TBC1D28: variants seen among roughly 807,000 people sequenced by gnomAD.
TBC1D28 encodes the protein TBC1 domain family, member 28.
In TBC1D28, 20 loss-of-function variants were observed where a neutral mutation model predicts 29.2. The observed-to-expected ratio is 0.68, with a 90% CI of 0.48 to 0.99. The LOEUF (loss-of-function observed/expected upper bound fraction) is 0.99, where lower values mean the gene tolerates loss of function less well. Among genes scored for constraint, TBC1D28 ranks in the 50% least tolerant of loss-of-function variants. The pLI is 0.00. For synonymous variants in TBC1D28, 65 were observed against 90.9 expected, an observed-to-expected ratio of 0.71 and a Z score of 1.62; for missense variants, 205 against 243.7, an observed-to-expected ratio of 0.84 and a Z score of 1.06.
intron 7 of TBC1D28, 160 bp downstream of exon 8, chr17:18,638,153 G>T: frequency 5.4e-6 from 7 of 1,294,678 alleles, no homozygotes; most frequent in South Asian, 4.1e-5. Context: ...AGAGCCCAGC[G>T]CACCTGTGGT....
At position 18,638,669 on chromosome 17, in the gene TBC1D28, C is replaced by G. The variant is rs1353634824; in HGVS notation, c.231G>C (p.Lys77Asn). ...TCCAGTCTGCAAGCATCTTTTGCCACTTGTTGGTACGTTTACTTTCCTTGC... is the reference window on the plus strand; with the variant it reads ...TCCAGTCTGCAAGCATCTTTTGCCAGTTGTTGGTACGTTTACTTTCCTTGC... Residue 77 changes from lysine to asparagine, a missense_variant, in exon 6 of 9, where the codon AAG becomes AAC. By Grantham distance (94) the Lys-to-Asn change is moderately conservative. Transcript: ENST00000345096. The G allele has an allele frequency of 1.9e-6, 3 of 1,614,024 alleles. No homozygotes were observed. The South Asian group carries it at 3.3e-5, about 18-fold the overall frequency.
exon 3 of TBC1D28, chr17:18,641,347 C>T (rs776508859): frequency 5.6e-6 from 9 of 1,613,972 alleles, no homozygotes; most frequent in African/African-American, 5.3e-5. Flanking sequence ...CCTCATCCAT[C>T]TCCATCCTGC....
exon 9 of TBC1D28, chr17:18,635,062 C>T (rs1311016988): frequency 6.6e-6 from 1 of 152,278 alleles, no homozygotes; most frequent in South Asian, 2.1e-4. Context: ...GGAGCGGACC[C>T]CGAGAGGCGC....
At chr17:18,641,530 C>T (rs2031764666) in intron 2 of TBC1D28, 102 bp downstream of exon 3, 2 of 696,982 alleles carry the variant, frequency 2.9e-6, no homozygotes, top group Non-Finnish European at 4.9e-6. Context: ...CTCTGAAGTC[C>T]TGACCTCCAA....
At chr17:18,636,420 G>A in exon 9 of TBC1D28, 4 of 1,605,228 alleles carry the variant, frequency 2.5e-6, no homozygotes, top group Non-Finnish European at 3.4e-6. Context: ...GCAGCGAGCT[G>A]AAGTCCTGCC....
chr17:18,636,482 C>G (rs375857329), exon 9 of TBC1D28: 16 of 1,613,718 alleles, frequency 9.9e-6, no homozygotes, highest in South Asian at 1.1e-5. Flanking sequence ...GCAACACCCC[C>G]GAGAGACACC....
At chr17:18,634,973 G>C (rs1484449382), downstream of TBC1D28, 1 of 153,150 alleles carries the variant, frequency 6.5e-6, no homozygotes, top group African/African-American at 2.4e-5. Context: ...CCTCCTACCC[G>C]GCATCCCACC....
chr17:18,641,473 C>T (rs2031762530), intron 2 of TBC1D28, 120 bp from the exon 4 acceptor site: 3 of 1,052,424 alleles, frequency 2.9e-6, no homozygotes, highest in Admixed American at 2.2e-5. Context: ...CACTACCCCT[C>T]CCAGATGACA....
intron 5 of TBC1D28, 131 bp from the exon 7 acceptor site, chr17:18,638,832 G>A (rs2031635226): frequency 1.1e-5 from 13 of 1,158,716 alleles, no homozygotes; most frequent in Non-Finnish European, 1.6e-5. Context: ...CAGGCCCCAG[G>A]GGCTGAGACC....
chr17:18,643,467 G>A (rs1294446557), upstream of TBC1D28, among the ~76,000 whole-genome samples: 6 of 150,336 alleles, frequency 4.0e-5, no homozygotes, highest in South Asian at 4.3e-4. Flanking sequence ...TTCACTGACC[G>A]TTTTCCCAGT....
At chr17:18,640,058 G>A (rs931260048) in intron 4 of TBC1D28, among the ~76,000 whole-genome samples, 4 of 146,706 alleles carry the variant, frequency 2.7e-5, no homozygotes, top group African/African-American at 5.1e-5. Flanking sequence ...CCTCCTCCCA[G>A]CCACTGCAAA....
At chr17:18,638,064 T>C in intron 7 of TBC1D28, 91 bp from the exon 9 acceptor site, 5 of 1,551,698 alleles carry the variant, frequency 3.2e-6, no homozygotes, top group South Asian at 1.1e-5. Context: ...TCAGCACTTC[T>C]GGAAGGAAGG....
At chr17:18,636,712 A>C (rs2031518985) in intron 8 of TBC1D28, 115 bp from the exon 10 acceptor site, 2 of 1,304,344 alleles carry the variant, frequency 1.5e-6, no homozygotes, top group Non-Finnish European at 2.1e-6. Context: ...CCCCCCAAAT[A>C]AGCAGTGAGC....
downstream of TBC1D28, among the ~76,000 whole-genome samples, chr17:18,634,791 C>CCCTCAGCCCCTCAGCCCTCAGCCG (rs2031399829): frequency 1.3e-5 from 2 of 149,460 alleles, no homozygotes; most frequent in African/African-American, 2.5e-5. Flanking sequence ...GGCTGCCCGC[C>CCCTCAGCCCCTCAGCCCTCAGCCG]CCTCAGCCCC....
Position 18,637,982 on chromosome 17 carries a change from C to T in TBC1D28, c.388-9G>A. On this transcript the variant is annotated splice_polypyrimidine_tract_variant and intron_variant, in intron 7 of 8. Transcript: ENST00000345096. The stretch of plus-strand genomic sequence containing the variant: ...CCCTTCTCCTTCATGACCTGTAGGG[C>T]GGGGCCAAGAGGAGGAAGCAGCCTC... 3.7e-6 allele frequency: 5 copies of T among 1,340,490 alleles called. 1 individual carries two copies. Among genetic ancestry groups the T allele is most frequent in the Non-Finnish European group, 5.2e-6 (5 of 966,550 alleles). The allele number at this position is 1,340,490 out of a possible 1,614,324, so 83.0% of individuals were successfully genotyped here. A position where few individuals can be genotyped will look rare whatever the true frequency, so the allele number is the denominator to read the frequency against.
chr17:18,637,570 C>A (rs1597480525), intron 8 of TBC1D28, among the ~76,000 whole-genome samples: 1 of 147,898 alleles, frequency 6.8e-6, no homozygotes, highest in East Asian at 2.0e-4. Flanking sequence ...GGTCCCTATC[C>A]TGGATAGTTG....
chr17:18,636,543 A>G (rs778566943), exon 9 of TBC1D28: 3 of 1,613,746 alleles, frequency 1.9e-6, no homozygotes, highest in Non-Finnish European at 2.5e-6. Flanking sequence ...GCCCGGGAAT[A>G]CTCACAGGGT....
At position 18,638,336 on chromosome 17, in the gene TBC1D28, A is replaced by T. The variant is rs377742804; in HGVS notation, c.364T>A (p.Ser122Thr). 30 of 1,614,048 alleles carry T rather than the reference A, an allele frequency of 1.9e-5. No individual in the cohort carries two copies. In the African/African-American group the frequency reaches 3.5e-4, roughly 19 times the overall value. Residue 122 changes from serine (S) to threonine (T), a missense_variant, in exon 7 of 9, where the codon TCC (serine) becomes ACC (threonine). Transcript: ENST00000345096. The stretch of plus-strand genomic sequence containing the variant: ...ACCTTATATTTGCCTGGGTTCTGGG[A>T]CTTGATTTTGTCAATATCTAGCAAA...
At chr17:18,638,216 C>G (rs1422992856) in intron 7 of TBC1D28, 97 bp downstream of exon 8, 8 of 1,465,994 alleles carry the variant, frequency 5.5e-6, no homozygotes, top group Non-Finnish European at 7.5e-6. Flanking sequence ...GCCCCCACCC[C>G]CAACCCAGGC....
Sources: allele counts gnomAD v4.1 joint callset (sites outside exome capture counted in the v4.1 genomes callset), GRCh38; gene constraint gnomAD v4.1.1; transcripts MANE v1.5; gene names NCBI Gene and HGNC (gene_info 2026-07-23, HGNC 2026-07-21).